CPXM2: variants seen among roughly 807,000 people sequenced by gnomAD.
CPXM2 encodes the protein carboxypeptidase X, M14 family member 2.
In CPXM2, 66 loss-of-function variants were observed where a neutral mutation model predicts 86.1. That is an observed-to-expected ratio of 0.77 (90% CI 0.63 to 0.94). CPXM2 has a LOEUF of 0.94. Ranked by LOEUF, CPXM2 falls within the 40% of genes least tolerant of loss-of-function variation. CPXM2 has a pLI of 0.00. For synonymous variants in CPXM2, 388 were observed against 400.2 expected (o/e 0.97, Z 0.36); for missense variants, 948 against 1,026.3 (o/e 0.92, Z 1.04).
chr10:123,791,326 A>G (rs1440270340), intron 6 of CPXM2, among the ~76,000 whole-genome samples: 3 of 152,200 alleles, frequency 2.0e-5, no homozygotes, highest in Non-Finnish European at 4.4e-5. Flanking sequence ...CTGAGGCAGG[A>G]GAATCGCTTG....
intron 7 of CPXM2, among the ~76,000 whole-genome samples, chr10:123,773,374 G>T (rs1846701259): frequency 6.6e-6 from 1 of 152,174 alleles, no homozygotes; most frequent in Non-Finnish European, 1.5e-5. Context: ...CCTGGTTGTG[G>T]TTATCACTTC....
intron 6 of CPXM2, among the ~76,000 whole-genome samples, chr10:123,786,238 T>C (rs939740839): frequency 6.6e-6 from 1 of 152,172 alleles, no homozygotes; most frequent in Non-Finnish European, 1.5e-5. Flanking sequence ...GAAATAAGCA[T>C]GAAAGATACA....
chr10:123,780,269 C>A lies in CPXM2; in HGVS notation c.890-14G>T. The stretch of plus-strand genomic sequence containing the variant: ...AATTATTAGGATCTAGGGACAGAAA[C>A]ATGATTTTGCATTTACTCCCATCAT... On this transcript the variant is annotated splice_polypyrimidine_tract_variant and intron_variant, in intron 6 of 13. Transcript: ENST00000241305. 6.6e-7 allele frequency: 1 copy of A among 1,510,274 alleles called. No individual in the cohort carries two copies. Among genetic ancestry groups the A allele is most frequent in the Non-Finnish European group, 9.2e-7 (1 of 1,085,672 alleles). 93.6% of individuals were successfully genotyped at this position (1,510,274 alleles called of 1,614,324 possible). A position where few individuals can be genotyped will look rare whatever the true frequency, so the allele number is the denominator to read the frequency against.
intron 9 of CPXM2, 70 bp downstream of exon 9, chr10:123,768,456 G>A: frequency 8.0e-7 from 1 of 1,247,096 alleles, no homozygotes. Context: ...TAGCCCTAGG[G>A]CCAGACATAC....
rs1945260879 is a variant in CPXM2, at chr10:123,891,167, A to G, written c.304+189T>C. 6.6e-6 allele frequency among the ~76,000 whole-genome samples: 1 copy of G among 152,234 alleles called. No individual in the cohort carries two copies. Among genetic ancestry groups the G allele is most frequent in the Non-Finnish European group, 1.5e-5 (1 of 68,028 alleles). ...GCTGAAATGCATGTCAGGGTCAAGG[A>G]CAAGTTCTGGGAAGCTGGGCGGGCC... On this transcript the variant is annotated intron_variant, in intron 1 of 13. Coordinates refer to ENST00000241305, the MANE Select transcript of CPXM2 (RefSeq NM_198148.3). This position sits in a 1 kb window ranked among gnomAD's most constrained non-coding sequence, Gnocchi z 5.6.
At chr10:123,772,189 C>T (rs1051751186) in intron 7 of CPXM2, among the ~76,000 whole-genome samples, 2 of 150,984 alleles carry the variant, frequency 1.3e-5, no homozygotes, top group African/African-American at 5.0e-5. Flanking sequence ...TTACCACCTC[C>T]CTGGTTGTGG....
At chr10:123,866,322 G>T (rs561783624) in intron 2 of CPXM2, among the ~76,000 whole-genome samples, 2 of 152,142 alleles carry the variant, frequency 1.3e-5, no homozygotes, top group Non-Finnish European at 2.9e-5. Flanking sequence ...CCAGCACTTT[G>T]GGAGGCCGAG....
chr10:123,888,162 T>C (rs1481202170), intron 1 of CPXM2, among the ~76,000 whole-genome samples: 1 of 152,166 alleles, frequency 6.6e-6, no homozygotes, highest in East Asian at 1.9e-4. Context: ...GCTACAGGGT[T>C]AAAACAGGGC....
upstream of CPXM2, among the ~76,000 whole-genome samples, chr10:123,940,421 G>A (rs1175329419): frequency 1.3e-5 from 2 of 152,174 alleles, no homozygotes; most frequent in Non-Finnish European, 2.9e-5. Context: ...ATGTGCACGG[G>A]ACATCTGTGC....
At chr10:123,779,716 GATAACA>G (rs1303183842) in intron 7 of CPXM2, among the ~76,000 whole-genome samples, 10 of 152,146 alleles carry the variant, frequency 6.6e-5, no homozygotes, top group Admixed American at 5.2e-4. Context: ...CCCATCTGTA[GATAACA>G]ATAACAACAG....
chr10:123,845,066 C>CAAAAA (rs61013140), intron 3 of CPXM2, among the ~76,000 whole-genome samples: 1 of 90,092 alleles, frequency 1.1e-5, no homozygotes, highest in Non-Finnish European at 2.3e-5. Context: ...GACTCAGTCT[C>CAAAAA]AAAAAAAAAA....
chr10:123,869,863 G>A (rs1471203037), intron 2 of CPXM2, among the ~76,000 whole-genome samples: 3 of 152,186 alleles, frequency 2.0e-5, no homozygotes, highest in Non-Finnish European at 2.9e-5. Context: ...CTGCATTTAA[G>A]ATCATGGAGG....
chr10:123,760,429 C>T (rs927336146), intron 11 of CPXM2, among the ~76,000 whole-genome samples: 1 of 151,980 alleles, frequency 6.6e-6, no homozygotes, highest in Non-Finnish European at 1.5e-5. Context: ...AAAATGCCTC[C>T]GCTTGGTCTG....
intron 4 of CPXM2, among the ~76,000 whole-genome samples, chr10:123,820,755 A>G (rs995374904): frequency 6.6e-6 from 1 of 152,102 alleles, no homozygotes; most frequent in Non-Finnish European, 1.5e-5. Context: ...ACCTTTATCC[A>G]TCTTCAAAGC....
chr10:123,905,175 G>A (rs973366747), intron 2 of CPXM2, among the ~76,000 whole-genome samples: 4 of 152,166 alleles, frequency 2.6e-5, no homozygotes, highest in Non-Finnish European at 1.5e-5. Flanking sequence ...TCTAATGTGG[G>A]CCTTTCAGCA....
intron 2 of CPXM2, 64 bp from the exon 3 acceptor site, chr10:123,862,787 T>G: frequency 7.0e-7 from 1 of 1,427,546 alleles, no homozygotes; most frequent in Non-Finnish European, 9.8e-7. Flanking sequence ...TTTCTTATTT[T>G]CTAAATCTGG....
At chr10:123,912,318 G>C (rs146739667) in intron 2 of CPXM2, among the ~76,000 whole-genome samples, 5,217 of 126,694 alleles carry the variant, frequency 0.041, 185 homozygotes, top group Non-Finnish European at 0.048. Flanking sequence ...CGGGGGGGGG[G>C]GGGCAGGCAT....
chr10:123,795,503 C>T (rs150612360), intron 6 of CPXM2, among the ~76,000 whole-genome samples: 48 of 152,230 alleles, frequency 3.2e-4, no homozygotes, highest in African/African-American at 1.0e-3. Context: ...GGAGAGGCTA[C>T]GTTTAAACCA....
upstream of CPXM2, among the ~76,000 whole-genome samples, chr10:123,940,871 G>T (rs1040555106): frequency 5.3e-5 from 8 of 152,168 alleles, no homozygotes; most frequent in Admixed American, 3.9e-4. Context: ...CAAACAGGTG[G>T]CTTAAAACAA....
Sources: gnomAD v4.1 joint callset for allele counts (sites outside exome capture counted in the v4.1 genomes callset) on GRCh38, gnomAD v4.1.1 for gene constraint, Gnocchi (gnomAD v3.1) non-coding constraint, MANE v1.5 for transcripts, NCBI Gene and HGNC (gene_info 2026-07-23, HGNC 2026-07-21) for gene names.